MEF2D: variants seen among roughly 807,000 people sequenced by gnomAD.
The protein encoded by MEF2D is myocyte-specific enhancer factor 2D.
In MEF2D, 10 loss-of-function variants were observed where a neutral mutation model predicts 59.3. The observed-to-expected ratio is 0.17, with a 90% CI of 0.10 to 0.29. The LOEUF (loss-of-function observed/expected upper bound fraction) is 0.29, where lower values mean the gene tolerates loss of function less well. MEF2D is among the 10% of genes least tolerant of loss of function. MEF2D has a pLI of 1.00. For synonymous variants in MEF2D, 305 were observed against 295.0 expected (o/e 1.03, Z -0.35); for missense variants, 508 against 699.4 (o/e 0.73, Z 3.09).
intron 9 of MEF2D, among the ~76,000 whole-genome samples, chr1:156,470,155 A>C (rs914185662): frequency 6.6e-6 from 1 of 152,260 alleles, no homozygotes; most frequent in African/African-American, 2.4e-5. Flanking sequence ...CATGATTTAC[A>C]CAGCACTATT....
chr1:156,499,944 T>A (rs1251223042), intron 1 of MEF2D, among the ~76,000 whole-genome samples: 1 of 149,602 alleles, frequency 6.7e-6, no homozygotes, highest in African/African-American at 2.5e-5. Context: ...CTGAACAACA[T>A]CCCCCCTCCC....
rs896566552 is a variant in MEF2D, at chr1:156,470,014, C to T, written c.1007-994G>A. On this transcript the variant is annotated intron_variant, in intron 9 of 11. Coordinates refer to ENST00000348159, the MANE Select transcript of MEF2D (RefSeq NM_005920.4). Reference sequence around the variant, plus strand: ...CAGAGGGGCTGCAAGGGTACCATGCCGGGAGCACAGCTGGCCAAGGTTCCA... The same window carrying T: ...CAGAGGGGCTGCAAGGGTACCATGCTGGGAGCACAGCTGGCCAAGGTTCCA... 5.3e-5 allele frequency among the ~76,000 whole-genome samples: 8 copies of T among 152,200 alleles called. No individual in the cohort carries two copies. The South Asian group carries it at 6.2e-4, about 12-fold the overall frequency.
chr1:156,486,100 G>A (rs571854619), intron 1 of MEF2D, among the ~76,000 whole-genome samples: 1 of 152,164 alleles, frequency 6.6e-6, no homozygotes, highest in South Asian at 2.1e-4. Context: ...CACCCACCTC[G>A]ACCTCGTGCT....
chr1:156,472,953 G>A (rs181026006), intron 9 of MEF2D, among the ~76,000 whole-genome samples: 1,747 of 149,308 alleles, frequency 0.012, 20 homozygotes, highest in Non-Finnish European at 0.017. Context: ...CTCGTGATCC[G>A]CCTGCCTCGG....
chr1:156,479,663 C>T lies in MEF2D; in HGVS notation c.530G>A (p.Arg177Gln), dbSNP rs530695297. 45 of 1,551,974 alleles carry T rather than the reference C, an allele frequency of 2.9e-5. No individual in the cohort carries two copies. The highest frequency in any genetic ancestry group is 3.8e-5 in the Non-Finnish European group (44 of 1,147,230). Residue 177 changes from arginine to glutamine, a missense_variant, in exon 5 of 12, where the codon CGG becomes CAG. Coordinates refer to ENST00000348159, the MANE Select transcript of MEF2D (RefSeq NM_005920.4). ...SLVTSSLTDP[R>Q]LLSPQQPALQ... Reference sequence around the variant, plus strand: ...TGCTGGCTGCTGGGGGGACAGGAGCCGCGGGTCCGTGAGGGATGATGTCAC... The same window carrying T: ...TGCTGGCTGCTGGGGGGACAGGAGCTGCGGGTCCGTGAGGGATGATGTCAC...
At chr1:156,470,429 A>AAAAGAAAG (rs887728414) in intron 9 of MEF2D, among the ~76,000 whole-genome samples, 3 of 151,562 alleles carry the variant, frequency 2.0e-5, no homozygotes, top group African/African-American at 7.3e-5. Flanking sequence ...AAAAAAAAAA[A>AAAAGAAAG]AAAGAAAGAA....
chr1:156,477,752 T>G (rs1260129733), intron 6 of MEF2D, among the ~76,000 whole-genome samples: 2 of 152,146 alleles, frequency 1.3e-5, no homozygotes, highest in African/African-American at 4.8e-5. Flanking sequence ...GTGGATGATG[T>G]GATTTGGATC....
At chr1:156,474,662 G>C (rs759725940) in intron 9 of MEF2D, among the ~76,000 whole-genome samples, 3 of 150,944 alleles carry the variant, frequency 2.0e-5, no homozygotes, top group Non-Finnish European at 4.4e-5. Context: ...AATGTAAAAA[G>C]AGCCAGGCAT....
intron 6 of MEF2D, among the ~76,000 whole-genome samples, chr1:156,478,816 C>T (rs779770770): frequency 6.6e-5 from 10 of 152,104 alleles, no homozygotes; most frequent in Non-Finnish European, 1.3e-4. Context: ...AGGCGTGAGC[C>T]ACCATGCCCG....
chr1:156,492,822 G>C (rs1672892157), intron 1 of MEF2D, among the ~76,000 whole-genome samples: 1 of 152,196 alleles, frequency 6.6e-6, no homozygotes, highest in African/African-American at 2.4e-5. Flanking sequence ...GGGCGGGTCA[G>C]CTTGAGAGCC....
intron 7 of MEF2D, 91 bp downstream of exon 7, chr1:156,476,921 G>T: frequency 6.9e-7 from 1 of 1,453,976 alleles, no homozygotes; most frequent in Non-Finnish European, 9.5e-7. Context: ...CTGCTGGCTA[G>T]CCTTCATCTC....
At chr1:156,474,111 C>T (rs1385598080) in intron 9 of MEF2D, among the ~76,000 whole-genome samples, 1 of 152,204 alleles carries the variant, frequency 6.6e-6, no homozygotes, top group Admixed American at 6.5e-5. Flanking sequence ...GTCTCGTCCT[C>T]AGGCTGCAGG....
At chr1:156,483,101 C>G (rs1239803183) in intron 2 of MEF2D, 138 bp downstream of exon 2, 1 of 926,128 alleles carries the variant, frequency 1.1e-6, no homozygotes, top group Non-Finnish European at 1.7e-6. Context: ...TTCCTCTTCT[C>G]CCAATCTCCC....
intron 1 of MEF2D, among the ~76,000 whole-genome samples, chr1:156,484,535 C>T (rs1037661159): frequency 2.6e-5 from 4 of 152,238 alleles, no homozygotes; most frequent in African/African-American, 9.6e-5. Context: ...CAAGCTCAGT[C>T]TAAGAGTAGT....
intron 9 of MEF2D, 53 bp from the exon 10 acceptor site, chr1:156,469,073 TCCTATGAGGGAGCTGC>T (rs1208077345): frequency 1.0e-5 from 16 of 1,547,100 alleles, no homozygotes; most frequent in Admixed American, 9.1e-5. Context: ...GCACACAGGC[TCCTATGAGGGAGCTGC>T]CTCCAGGAGG....
At chr1:156,482,772 C>A in intron 2 of MEF2D, 132 bp from the exon 3 acceptor site, 3 of 810,190 alleles carry the variant, frequency 3.7e-6, no homozygotes, top group Non-Finnish European at 4.0e-6. Flanking sequence ...AGCCCCTGGT[C>A]TCAGGAGTCC....
intron 1 of MEF2D, among the ~76,000 whole-genome samples, chr1:156,493,026 C>T (rs1015215340): frequency 6.6e-6 from 1 of 152,202 alleles, no homozygotes; most frequent in African/African-American, 2.4e-5. Context: ...CAGACAGTCT[C>T]AGAAGGGCAT....
chr1:156,483,142 C>A, intron 2 of MEF2D, 97 bp downstream of exon 2: 1 of 1,285,858 alleles, frequency 7.8e-7, no homozygotes, highest in Non-Finnish European at 1.1e-6. Flanking sequence ...ATAGTTTCCC[C>A]TCTTCCACAA....
At chr1:156,494,282 C>T (rs145317142) in intron 1 of MEF2D, among the ~76,000 whole-genome samples, 12 of 152,136 alleles carry the variant, frequency 7.9e-5, no homozygotes, top group African/African-American at 2.4e-4. Flanking sequence ...ACCCGCCTGC[C>T]GTGCATTTCT....
Sources: allele counts gnomAD v4.1 joint callset (sites outside exome capture counted in the v4.1 genomes callset), GRCh38; gene constraint gnomAD v4.1.1; transcripts MANE v1.5; gene names NCBI Gene and HGNC (gene_info 2026-07-23, HGNC 2026-07-21).